RB1: variants seen among roughly 807,000 people sequenced by gnomAD.
RB1 encodes RB transcriptional corepressor 1.
A neutral mutation model predicts 135.4 loss-of-function variants in RB1; 18 were observed. The ratio of observed to expected loss-of-function variants is 0.13; its 90% CI spans 0.09 to 0.20. The LOEUF is 0.20. RB1 is among the 10% of genes least tolerant of loss of function. RB1 has a pLI of 1.00. For synonymous variants in RB1, 365 were observed against 373.2 expected (o/e 0.98, Z 0.25); for missense variants, 868 against 1,110.0 (o/e 0.78, Z 3.10).
At chr13:48,320,105 A>G (rs912918439) in intron 2 of RB1, 3 of 686,372 alleles carry the variant, frequency 4.4e-6, no homozygotes, top group Admixed American at 5.3e-5. Flanking sequence ...GTCCCGGTCC[A>G]CGGAATCATC....
chr13:48,340,226 A>T (rs965839425), intron 2 of RB1, among the ~76,000 whole-genome samples: 3 of 152,174 alleles, frequency 2.0e-5, no homozygotes, highest in African/African-American at 7.2e-5. Context: ...TTAGGCAAAG[A>T]TTTCATAGAT....
chr13:48,303,966 G>A lies in RB1; in HGVS notation c.54G>A (p.Ala18=), dbSNP rs2138027406. The change falls in exon 1 of 27, where the codon GCG becomes GCA. Residue 18 remains alanine, a synonymous_variant. Coordinates refer to ENST00000267163, the MANE Select transcript of RB1 (RefSeq NM_000321.3). ...CCGCCACCGCCGCCGCTGCCGCCGCGGAACCCCCGGCACCGCCGCCGCCGC... is the reference window on the plus strand; with the variant it reads ...CCGCCACCGCCGCCGCTGCCGCCGCAGAACCCCCGGCACCGCCGCCGCCGC... ...KTAATAAAAA[A]EPPAPPPPPP... 1 of 1,509,314 alleles carries A rather than the reference G, an allele frequency of 6.6e-7. No individual in the cohort carries two copies. The highest frequency in any genetic ancestry group is 8.8e-7 in the Non-Finnish European group (1 of 1,136,366). The allele number at this position is 1,509,314 out of a possible 1,614,324, so 93.5% of individuals were successfully genotyped here. A position where few individuals can be genotyped will look rare whatever the true frequency, so the allele number is the denominator to read the frequency against.
At chr13:48,340,560 CATTTTTTA>C (rs11279591) in intron 2 of RB1, among the ~76,000 whole-genome samples, 9,315 of 140,980 alleles carry the variant, frequency 0.066, 905 homozygotes, top group African/African-American at 0.21. Context: ...ACTTTCGCTT[CATTTTTTA>C]ATCTTTAAAA....
chr13:48,415,297 CT>C (rs947508418), intron 17 of RB1, among the ~76,000 whole-genome samples: 19 of 147,294 alleles, frequency 1.3e-4, no homozygotes, highest in East Asian at 5.9e-4. Flanking sequence ...TTCTTTCTTT[CT>C]TTTTTTTTTC....
rs933549702 is a variant in RB1, at chr13:48,463,301, C to T, written c.2107-430C>T. 3.4e-4 allele frequency among the ~76,000 whole-genome samples: 52 copies of T among 152,332 alleles called. 1 individual carries two copies. The highest frequency in any genetic ancestry group is 1.2e-3 in the African/African-American group (48 of 41,582). On this transcript the variant is annotated intron_variant, in intron 20 of 26. Coordinates refer to ENST00000267163, the MANE Select transcript of RB1 (RefSeq NM_000321.3). ...AAAACATTGTCAGCAACACATAAGA[C>T]TCTCTTACATGCTCTTCCAGTCACC...
chr13:48,308,861 G>T (rs1009261292), intron 2 of RB1, among the ~76,000 whole-genome samples: 1 of 152,068 alleles, frequency 6.6e-6, no homozygotes, highest in Non-Finnish European at 1.5e-5. Context: ...GATTATACAT[G>T]TAGTTATGTA....
Position 48,432,427 on chromosome 13 carries a change from G to GTT in RB1, c.1696-20556_1696-20555dup, listed in dbSNP as rs199873207. On this transcript the variant is annotated intron_variant, in intron 17 of 26. Transcript: ENST00000267163. ...ATAGGAATGCATGTTTTGTTTTTTT[G>GTT]TTTTTTTTTTTGGGCTACTTGCCAG... Among the ~76,000 whole-genome samples the GTT allele has an allele frequency of 5.1e-5, 7 of 136,722 alleles. No individual in the cohort carries two copies. The East Asian group carries it at 8.2e-4, about 16-fold the overall frequency. 89.7% of individuals were successfully genotyped at this position (136,722 alleles called of 152,430 possible).
At chr13:48,384,486 A>G (rs1948558840) in intron 17 of RB1, among the ~76,000 whole-genome samples, 1 of 152,130 alleles carries the variant, frequency 6.6e-6, no homozygotes, top group South Asian at 2.1e-4. Context: ...AGAAAAGTAT[A>G]TATCTCAAGT....
chr13:48,353,253 A>G (rs1034106666), intron 6 of RB1, among the ~76,000 whole-genome samples: 5 of 152,134 alleles, frequency 3.3e-5, no homozygotes, highest in Non-Finnish European at 5.9e-5. Flanking sequence ...TCAGAAATGA[A>G]AAAGGAGACA....
At chr13:48,364,803 C>T in intron 8 of RB1, 91 bp from the exon 9 acceptor site, 2 of 1,397,016 alleles carry the variant, frequency 1.4e-6, no homozygotes, top group South Asian at 1.5e-5. Flanking sequence ...GGGGGATTGA[C>T]ACCTCTAACT....
At chr13:48,372,196 A>G (rs1243480915) in intron 11 of RB1, among the ~76,000 whole-genome samples, 1 of 152,232 alleles carries the variant, frequency 6.6e-6, no homozygotes, top group Non-Finnish European at 1.5e-5. Context: ...AGGGAGTTTC[A>G]TTAAGAGCAA....
Position 48,481,763 on chromosome 13 carries a change from C to T in RB1, c.*1692C>T, listed in dbSNP as rs1949539660. 1 of 229,260 alleles carries T rather than the reference C, an allele frequency of 4.4e-6. No individual in the cohort carries two copies. Among genetic ancestry groups the T allele is most frequent in the Non-Finnish European group, 8.7e-6 (1 of 115,428 alleles). 14.2% of individuals were successfully genotyped at this position (229,260 alleles called of 1,614,324 possible). On this transcript the variant is annotated 3_prime_UTR_variant, in exon 27 of 27. Transcript: ENST00000267163. ...GTGTATTGAGATTTCTTAAATAATG[C>T]TTCAGATATTATTGCTTTATTGCTT...
intron 17 of RB1, among the ~76,000 whole-genome samples, chr13:48,447,401 A>G (rs2138320328): frequency 6.6e-6 from 1 of 152,302 alleles, no homozygotes; most frequent in South Asian, 2.1e-4. Flanking sequence ...ACTTCCTAGC[A>G]TAGACATACA....
In RB1 at chr13:48,480,657, A is replaced by G. The variant is rs995874400; in HGVS notation, c.*586A>G. Reference sequence around the variant, plus strand: ...TTTTATTTTACTATTGGAATCTGATATACTGTGTGCTTGTTTTATAAAATT... The same window carrying G: ...TTTTATTTTACTATTGGAATCTGATGTACTGTGTGCTTGTTTTATAAAATT... On this transcript the variant is annotated 3_prime_UTR_variant, in exon 27 of 27. Transcript: ENST00000267163. The G allele has an allele frequency of 8.9e-6, 2 of 225,812 alleles. No homozygotes were observed. The highest frequency in any genetic ancestry group is 4.4e-5 in the African/African-American group (2 of 44,946). The allele number at this position is 225,812 out of a possible 1,614,324, so 14.0% of individuals were successfully genotyped here.
chr13:48,403,357 A>G (rs567991601), intron 17 of RB1, among the ~76,000 whole-genome samples: 1 of 152,310 alleles, frequency 6.6e-6, no homozygotes, highest in Admixed American at 6.5e-5. Flanking sequence ...GACACATATC[A>G]CAGGGGAGTG....
At position 48,319,024 on chromosome 13, in the gene RB1, C is replaced by T; in HGVS notation, c.264+11618C>T. On this transcript the variant is annotated intron_variant, in intron 2 of 26. Transcript: ENST00000267163. The surrounding 1 kb of genome is among the most constrained non-coding windows in gnomAD (Gnocchi z 5.0). ...CCGGCAGGGTAGTCTTGGAAATGCC[C>T]AAGATTGCTTCCGCGCGCGTCAGTT... 1.5e-6 allele frequency: 1 copy of T among 681,492 alleles called. No homozygotes were observed. Among genetic ancestry groups the T allele is most frequent in the South Asian group, 1.4e-5 (1 of 70,382 alleles). The allele number at this position is 681,492 out of a possible 1,614,324, so 42.2% of individuals were successfully genotyped here.
At chr13:48,334,203 G>A (rs1036745977) in intron 2 of RB1, among the ~76,000 whole-genome samples, 2 of 152,144 alleles carry the variant, frequency 1.3e-5, no homozygotes, top group Non-Finnish European at 2.9e-5. Flanking sequence ...CCTGCATGTT[G>A]TTTCAAAAAT....
Position 48,319,360 on chromosome 13 carries a change from G to T in RB1, c.264+11954G>T. On this transcript the variant is annotated intron_variant, in intron 2 of 26. Transcript: ENST00000267163. The surrounding 1 kb of genome is among the most constrained non-coding windows in gnomAD (Gnocchi z 5.0). Reference sequence around the variant, plus strand: ...TTGGCCTCCTTGCGTGTTTGCCGCAGCTAGTACACCTGGATGGCCTCCTCA... The same window carrying T: ...TTGGCCTCCTTGCGTGTTTGCCGCATCTAGTACACCTGGATGGCCTCCTCA... 4 of 484,798 alleles carry T rather than the reference G, an allele frequency of 8.3e-6. No homozygotes were observed. The highest frequency in any genetic ancestry group is 1.5e-5 in the Non-Finnish European group (4 of 263,418). The allele number at this position is 484,798 out of a possible 1,614,324, so 30.0% of individuals were successfully genotyped here.
At chr13:48,328,460 C>T (rs1303787421) in intron 2 of RB1, 28 of 925,368 alleles carry the variant, frequency 3.0e-5, no homozygotes, top group Non-Finnish European at 4.3e-5. Context: ...TTCAGCTGAT[C>T]GCTTCTCAGC....
Sources: gnomAD v4.1 joint callset for allele counts (sites outside exome capture counted in the v4.1 genomes callset) on GRCh38, gnomAD v4.1.1 for gene constraint, Gnocchi (gnomAD v3.1) non-coding constraint, MANE v1.5 for transcripts, NCBI Gene and HGNC (gene_info 2026-07-23, HGNC 2026-07-21) for gene names.